LIPT1: variants seen among roughly 807,000 people sequenced by gnomAD.
LIPT1 encodes lipoyl amidotransferase LIPT1, mitochondrial.
LIPT1 carries 22 observed loss-of-function variants against 25.1 expected under a neutral mutation model. The observed-to-expected ratio is 0.88, with a 90% CI of 0.63 to 1.25. The LOEUF is 1.25. Ranked by LOEUF, LIPT1 falls within the 50% of genes most tolerant of loss-of-function variation. The pLI is 0.00. For missense variants in LIPT1, 399 were observed against 432.8 expected, an observed-to-expected ratio of 0.92 and a Z score of 0.69; for synonymous variants, 131 against 150.8, an observed-to-expected ratio of 0.87 and a Z score of 0.96.
chr2:99,159,982 C>T (rs979265264), intron 1 of LIPT1, among the ~76,000 whole-genome samples: 1 of 152,166 alleles, frequency 6.6e-6, no homozygotes, highest in African/African-American at 2.4e-5. Context: ...TCTATTAAAC[C>T]TCTCCACACC....
At chr2:99,160,223 G>A (rs2969379) in intron 1 of LIPT1, among the ~76,000 whole-genome samples, 86,780 of 151,938 alleles carry the variant, frequency 0.57, 25,889 homozygotes, top group East Asian at 0.88. Flanking sequence ...CCTAGGCAAC[G>A]TAGGGAGACC....
rs144490005 is a variant in LIPT1, at chr2:99,158,615, C to T, written c.-1-3342C>T. Among the ~76,000 whole-genome samples the T allele has an allele frequency of 3.5e-3, 528 of 152,288 alleles. 6 individuals carry two copies. Among genetic ancestry groups the T allele is most frequent in the African/African-American group, 0.012 (486 of 41,566 alleles). ...GTTCTTTATAATCTAACATCTACTT[C>T]TCTTGCCTTCTTATTAACTCCCCAT... On this transcript the variant is annotated intron_variant, in intron 1 of 1. Transcript: ENST00000651691.
intron 1 of LIPT1, 32 bp from the exon 2 acceptor site, chr2:99,161,925 G>A: frequency 6.6e-7 from 1 of 1,511,514 alleles, no homozygotes. Context: ...TTTTCTCGAT[G>A]AATTAATTTG....
At chr2:99,158,429 CAAAAA>C (rs753259893) in intron 1 of LIPT1, among the ~76,000 whole-genome samples, 2 of 96,604 alleles carry the variant, frequency 2.1e-5, no homozygotes, top group East Asian at 3.1e-4. Flanking sequence ...TTCATCTCTA[CAAAAA>C]AAAAAAAAAA....
chr2:99,162,264 G>A lies in LIPT1; in HGVS notation c.307G>A (p.Gly103Arg). 1.9e-6 allele frequency: 3 copies of A among 1,613,090 alleles called. No individual in the cohort carries two copies. Among genetic ancestry groups the A allele is most frequent in the Non-Finnish European group, 1.7e-6 (2 of 1,179,908 alleles). The change falls in exon 2 of 2, where the codon GGA becomes AGA. Residue 103 changes from glycine to arginine, a missense_variant. Coordinates refer to ENST00000651691, the MANE Select transcript of LIPT1 (RefSeq NM_145199.3). ...AAAACTGGCTCGGAGAAGAAGTGGA[G>A]GAGGAACAGTCTACCATGATATGGG... is the stretch of plus-strand genomic sequence containing the variant. ...GIKLARRRSG[G>R]GTVYHDMGNI...
At chr2:99,157,490 AC>A (rs1345269565) in intron 1 of LIPT1, among the ~76,000 whole-genome samples, 1 of 152,112 alleles carries the variant, frequency 6.6e-6, no homozygotes, top group Non-Finnish European at 1.5e-5. Context: ...CAACTAGAAT[AC>A]CCTCATTGTA....
At chr2:99,157,586 T>C (rs983217266) in intron 1 of LIPT1, among the ~76,000 whole-genome samples, 4 of 152,224 alleles carry the variant, frequency 2.6e-5, no homozygotes, top group African/African-American at 9.6e-5. Flanking sequence ...TAATAGATCC[T>C]TTTCAACCCT....
rs1420654401 is a variant in LIPT1 at position 99,162,962 on chromosome 2, G to A, written c.1005G>A (p.Lys335=). 3.7e-6 allele frequency: 6 copies of A among 1,613,926 alleles called. No homozygotes were observed. Among genetic ancestry groups the A allele is most frequent in the Admixed American group, 1.7e-5 (1 of 59,986 alleles). The part of the protein sequence containing the change: ...DKLNSSLIGS[K]FCPTETTMLT... ...TAAATTCAAGTCTTATTGGCAGTAA[G>A]TTTTGCCCAACTGAAACTACCATGC... Residue 335 remains lysine (K), a synonymous_variant, in exon 2 of 2, where the codon AAG becomes AAA. Transcript: ENST00000651691.
rs866610439 is a variant in LIPT1 at position 99,162,190 on chromosome 2, A to G, written c.233A>G (p.Gln78Arg). Residue 78 changes from glutamine to arginine, a missense_variant, in exon 2 of 2, where the codon CAA (glutamine) becomes CGA (arginine). Gln to Arg is a conservative substitution (Grantham distance 43). Transcript: ENST00000651691. Reference sequence around the variant, plus strand: ...CCCTCTGTTGTAATTGGTAGGCATCAAAATCCTTGGCAGGAATGTAACCTG... The same window carrying G: ...CCCTCTGTTGTAATTGGTAGGCATCGAAATCCTTGGCAGGAATGTAACCTG... ...NSPSVVIGRH[Q>R]NPWQECNLNL... is the part of the protein sequence containing the mutation. 6.2e-7 allele frequency: 1 copy of G among 1,614,154 alleles called. No homozygotes were observed. Among genetic ancestry groups the G allele is most frequent in the Non-Finnish European group, 8.5e-7 (1 of 1,180,004 alleles).
chr2:99,162,712 A>G lies in LIPT1; in HGVS notation c.755A>G (p.Asp252Gly), dbSNP rs760233151. Residue 252 changes from aspartate to glycine, a missense_variant, in exon 2 of 2, where the codon GAT becomes GGT. Transcript: ENST00000651691. Reference protein sequence around the residue: ...DNHIHLINPTDETLFPGINSK... With the variant: ...DNHIHLINPTGETLFPGINSK... The stretch of plus-strand genomic sequence containing the variant: ...CACATTCACCTAATAAACCCAACGG[A>G]TGAGACACTGTTTCCTGGAATAAAT... The G allele has an allele frequency of 6.2e-7, 1 of 1,614,226 alleles. No individual in the cohort carries two copies. The highest frequency in any genetic ancestry group is 8.5e-7 in the Non-Finnish European group (1 of 1,180,042).
rs1452707455 is a variant in LIPT1 at position 99,155,021 on chromosome 2, A to G, written c.-32A>G. ...ACGCACTTTTCCAGCTCGAGCCCTC[A>G]CGAGGCCGTGGGTACGACCGGAAGC... On this transcript the variant is annotated 5_prime_UTR_variant, in exon 1 of 2. Coordinates refer to ENST00000651691, the MANE Select transcript of LIPT1 (RefSeq NM_145199.3). 8.8e-6 allele frequency: 4 copies of G among 455,828 alleles called. No individual in the cohort carries two copies. The highest frequency in any genetic ancestry group is 1.8e-5 in the Non-Finnish European group (4 of 226,792). The allele number at this position is 455,828 out of a possible 1,614,324, so 28.2% of individuals were successfully genotyped here.
In LIPT1 at chr2:99,161,946, A is replaced by AT. The variant is rs1329439013; in HGVS notation, c.-1-6dup. ...CGATGAATTAATTTGTTTGTCTTCCATTTTTAAAAGCATGCTGATCCCATT... is the reference window on the plus strand; with the variant it reads ...CGATGAATTAATTTGTTTGTCTTCCATTTTTTAAAAGCATGCTGATCCCATT... On this transcript the variant is annotated splice_polypyrimidine_tract_variant and intron_variant, in intron 1 of 1. Transcript: ENST00000651691. The AT allele has an allele frequency of 3.8e-6, 6 of 1,560,210 alleles. No homozygotes were observed. The highest frequency in any genetic ancestry group is 4.3e-6 in the Non-Finnish European group (5 of 1,154,572).
intron 1 of LIPT1, chr2:99,155,597 G>T (rs1299343337): frequency 1.1e-5 from 5 of 450,802 alleles, no homozygotes; most frequent in African/African-American, 1.0e-4. Context: ...TAAAGGGTGA[G>T]AGTAGAAAGA....
intron 1 of LIPT1, among the ~76,000 whole-genome samples, chr2:99,158,941 T>A (rs1303182919): frequency 6.6e-6 from 1 of 152,218 alleles, no homozygotes; most frequent in Non-Finnish European, 1.5e-5. Flanking sequence ...TTCTTTTTTT[T>A]TCTTTTAGAC....
chr2:99,156,031 G>A (rs2093748892), intron 1 of LIPT1, among the ~76,000 whole-genome samples: 1 of 152,206 alleles, frequency 6.6e-6, no homozygotes, highest in Non-Finnish European at 1.5e-5. Flanking sequence ...GGCAGTCAGG[G>A]ATTTTTGGAC....
Position 99,162,916 on chromosome 2 carries a change from C to T in LIPT1, c.959C>T (p.Pro320Leu), listed in dbSNP as rs777406101. ...ATTGAAGCACCTGATCATTGGTTGCCATTGGAAATACGTGACAAATTAAAT... is the reference window on the plus strand; with the variant it reads ...ATTGAAGCACCTGATCATTGGTTGCTATTGGAAATACGTGACAAATTAAAT... ...CNIEAPDHWL[P>L]LEIRDKLNSS... The change falls in exon 2 of 2, where the codon CCA becomes CTA. Residue 320 changes from proline (P) to leucine (L), a missense_variant. Pro to Leu is a moderately conservative substitution (Grantham distance 98). Transcript: ENST00000651691. 24 of 1,613,520 alleles carry T rather than the reference C, an allele frequency of 1.5e-5. No homozygotes were observed. Among genetic ancestry groups the T allele is most frequent in the Non-Finnish European group, 2.0e-5 (24 of 1,179,844 alleles).
intron 1 of LIPT1, among the ~76,000 whole-genome samples, chr2:99,157,408 G>C (rs1486348380): frequency 6.6e-6 from 1 of 152,104 alleles, no homozygotes; most frequent in Non-Finnish European, 1.5e-5. Context: ...AACATGCTCA[G>C]ATCTATTGCA....
chr2:99,156,144 G>A (rs1277816104), intron 1 of LIPT1, among the ~76,000 whole-genome samples: 1 of 152,162 alleles, frequency 6.6e-6, no homozygotes, highest in Non-Finnish European at 1.5e-5. Context: ...ATTGGTTTAC[G>A]TGTTCAGGTG....
chr2:99,158,968 G>A (rs2093769444), intron 1 of LIPT1, among the ~76,000 whole-genome samples: 2 of 151,868 alleles, frequency 1.3e-5, no homozygotes, highest in South Asian at 2.1e-4. Flanking sequence ...TTGCTCTGTC[G>A]CCCAGGCTGG....
Sources: gnomAD v4.1 joint callset for allele counts (sites outside exome capture counted in the v4.1 genomes callset) on GRCh38, gnomAD v4.1.1 for gene constraint, MANE v1.5 for transcripts, NCBI Gene and HGNC (gene_info 2026-07-23, HGNC 2026-07-21) for gene names.